Variants in USPL1 observed in about 807,000 individuals in gnomAD.
The protein encoded by USPL1 is SUMO-specific isopeptidase USPL1.
USPL1 carries 27 observed loss-of-function variants against 51.5 expected under a neutral mutation model. The observed-to-expected ratio is 0.52, with a 90% CI of 0.39 to 0.72. The LOEUF is 0.72. USPL1 is among the 30% of genes least tolerant of loss of function. USPL1 has a pLI of 0.00. For synonymous variants in USPL1, 451 were observed against 459.6 expected, an observed-to-expected ratio of 0.98 and a Z score of 0.24; for missense variants, 1,226 against 1,268.0, an observed-to-expected ratio of 0.97 and a Z score of 0.50.
chr13:30,651,852 A>T (rs561092800), intron 7 of USPL1, among the ~76,000 whole-genome samples: 1 of 152,150 alleles, frequency 6.6e-6, no homozygotes, highest in South Asian at 2.1e-4. Flanking sequence ...GCTCCTCAGG[A>T]GGCTGTGGTG....
chr13:30,632,374 A>C (rs1950818550), intron 4 of USPL1, among the ~76,000 whole-genome samples: 1 of 133,416 alleles, frequency 7.5e-6, no homozygotes, highest in Non-Finnish European at 1.6e-5. Flanking sequence ...ATTGATGGGC[A>C]TTTGGGTTGG....
intron 3 of USPL1, among the ~76,000 whole-genome samples, chr13:30,626,487 C>CA (rs1950718574): frequency 6.6e-6 from 1 of 152,144 alleles, no homozygotes; most frequent in South Asian, 2.1e-4. Context: ...CATACAACAA[C>CA]AGAGTTGGGT....
At chr13:30,618,485 C>G (rs1308288357) in intron 1 of USPL1, among the ~76,000 whole-genome samples, 2 of 151,332 alleles carry the variant, frequency 1.3e-5, no homozygotes, top group Non-Finnish European at 2.9e-5. Context: ...GTTCACGTGC[C>G]GAGCCTACTC....
In USPL1 at chr13:30,647,201, G is replaced by A. The variant is rs117170507; in HGVS notation, c.1238+144G>A. 4.9e-4 allele frequency: 465 copies of A among 946,540 alleles called. 1 individual carries two copies. The East Asian group carries it at 0.012, about 25-fold the overall frequency. The allele number at this position is 946,540 out of a possible 1,614,324, so 58.6% of individuals were successfully genotyped here. ...ATATTTCTGGGTTGCCAGCTGCCTC[G>A]CTCTATCTGGCCAGTGAGCCCACTG... On this transcript the variant is annotated intron_variant, in intron 7 of 8. Coordinates refer to ENST00000255304, the MANE Select transcript of USPL1 (RefSeq NM_005800.5).
At chr13:30,640,319 T>C (rs1593377790) in intron 5 of USPL1, among the ~76,000 whole-genome samples, 1 of 152,238 alleles carries the variant, frequency 6.6e-6, no homozygotes, top group Non-Finnish European at 1.5e-5. Flanking sequence ...TATGACATAC[T>C]GTTTATGCAT....
chr13:30,645,728 A>G (rs1384611330), intron 6 of USPL1, among the ~76,000 whole-genome samples: 1 of 152,228 alleles, frequency 6.6e-6, no homozygotes, highest in Non-Finnish European at 1.5e-5. Context: ...AGTGTAACCC[A>G]GAGTCAGTTA....
At position 30,642,665 on chromosome 13, in the gene USPL1, C is replaced by G. The variant is rs745708625; in HGVS notation, c.1020C>G (p.Leu340=). 1 of 1,613,862 alleles carries G rather than the reference C, an allele frequency of 6.2e-7. No homozygotes were observed. The highest frequency in any genetic ancestry group is 1.7e-5 in the Admixed American group (1 of 60,006). The change falls in exon 6 of 9, where the codon CTC becomes CTG. Residue 340 remains leucine, a synonymous_variant. Coordinates refer to ENST00000255304, the MANE Select transcript of USPL1 (RefSeq NM_005800.5). ...GCCCTGTGTTTGCATTTCCCCTGCT[C>G]TTAAAACTAGAAACCCACATTGAAA... The part of the protein sequence containing the change: ...MESPVFAFPL[L]LKLETHIEKL...
chr13:30,639,579 A>G (rs914838323), intron 5 of USPL1, among the ~76,000 whole-genome samples: 1 of 151,862 alleles, frequency 6.6e-6, no homozygotes, highest in Non-Finnish European at 1.5e-5. Context: ...TTTTTTCTTT[A>G]TATCAAGGTG....
At chr13:30,623,902 C>G (rs1253353294) in intron 3 of USPL1, among the ~76,000 whole-genome samples, 1 of 152,140 alleles carries the variant, frequency 6.6e-6, no homozygotes, top group Non-Finnish European at 1.5e-5. Context: ...CATACCTTGC[C>G]CTACTCATTT....
rs559207570 is a variant in USPL1, at chr13:30,618,997, G to T, written c.-69+941G>T. On this transcript the variant is annotated intron_variant, in intron 1 of 8. Coordinates refer to ENST00000255304, the MANE Select transcript of USPL1 (RefSeq NM_005800.5). ...AGATTTGAGACCTTTCCAAAGAACT[G>T]TCCACAGAATTTGGTGACTTACTGT... 1.4e-4 allele frequency among the ~76,000 whole-genome samples: 21 copies of T among 152,290 alleles called. No individual in the cohort carries two copies. The East Asian group carries it at 4.1e-3, about 29-fold the overall frequency.
At chr13:30,639,628 G>A (rs888493436) in intron 5 of USPL1, among the ~76,000 whole-genome samples, 1 of 152,040 alleles carries the variant, frequency 6.6e-6, no homozygotes, top group African/African-American at 2.4e-5. Flanking sequence ...AGTGTGTACA[G>A]CTCTGTAACC....
chr13:30,628,340 A>T (rs189216192), intron 3 of USPL1, among the ~76,000 whole-genome samples: 2 of 152,204 alleles, frequency 1.3e-5, no homozygotes, highest in Admixed American at 1.3e-4. Context: ...ATATACAGTT[A>T]GGAGTTCCTT....
chr13:30,647,562 A>C (rs1181230435), intron 7 of USPL1, among the ~76,000 whole-genome samples: 2 of 151,892 alleles, frequency 1.3e-5, no homozygotes, highest in Non-Finnish European at 2.9e-5. Context: ...GTTTGTCCTC[A>C]GTTGGGGAGG....
chr13:30,636,068 T>G (rs1178149081), intron 4 of USPL1, among the ~76,000 whole-genome samples: 2 of 152,184 alleles, frequency 1.3e-5, no homozygotes, highest in African/African-American at 4.8e-5. Flanking sequence ...CTGAACTTTT[T>G]TGTGTGTGTC....
At chr13:30,645,995 A>G (rs1220133433) in intron 6 of USPL1, among the ~76,000 whole-genome samples, 2 of 152,356 alleles carry the variant, frequency 1.3e-5, no homozygotes, top group African/African-American at 4.8e-5. Flanking sequence ...TTACATAACA[A>G]TTATCTTTGA....
chr13:30,619,568 C>A (rs140827322), intron 1 of USPL1, among the ~76,000 whole-genome samples: 2 of 152,266 alleles, frequency 1.3e-5, no homozygotes, highest in East Asian at 1.9e-4. Flanking sequence ...CAGAATGATA[C>A]GACGTGTACT....
At position 30,631,106 on chromosome 13, in the gene USPL1, A is replaced by G; in HGVS notation, c.500A>G (p.Asp167Gly). The G allele has an allele frequency of 6.2e-7, 1 of 1,614,210 alleles. No homozygotes were observed. The highest frequency in any genetic ancestry group is 8.5e-7 in the Non-Finnish European group (1 of 1,180,044). The change falls in exon 4 of 9, where the codon GAT (aspartate) becomes GGT (glycine). Residue 167 changes from aspartate to glycine, a missense_variant. Physicochemically the swap from Asp to Gly is moderately conservative, Grantham distance 94. Coordinates refer to ENST00000255304, the MANE Select transcript of USPL1 (RefSeq NM_005800.5). ...CAACAGAATCCAATTAGGACAGCTG[A>G]TTCCTTGGAGCGGAATGAGATTTTG... Reference protein sequence around the residue: ...SGQQNPIRTADSLERNEILEA... With the variant: ...SGQQNPIRTAGSLERNEILEA...
intron 3 of USPL1, among the ~76,000 whole-genome samples, chr13:30,630,185 G>C (rs1210419302): frequency 6.6e-6 from 1 of 152,110 alleles, no homozygotes; most frequent in East Asian, 1.9e-4. Context: ...AGTGTAGAGG[G>C]TTCTTGAATT....
chr13:30,646,909 T>C, intron 6 of USPL1, 23 bp from the exon 7 acceptor site: 1 of 1,594,622 alleles, frequency 6.3e-7, no homozygotes, highest in Non-Finnish European at 8.5e-7. Flanking sequence ...CGTTAATGAA[T>C]TTGTTATGTC....
Sources: allele counts gnomAD v4.1 joint callset (sites outside exome capture counted in the v4.1 genomes callset), GRCh38; gene constraint gnomAD v4.1.1; transcripts MANE v1.5; gene names NCBI Gene and HGNC (gene_info 2026-07-23, HGNC 2026-07-21).